The following C1orf226 variants were observed in gnomAD, a reference collection of about 807,000 sequenced individuals.
C1orf226 encodes the protein uncharacterized protein C1orf226.
Under a neutral mutation model 10.5 loss-of-function variants are expected in C1orf226, and 4 were observed. That is an observed-to-expected ratio of 0.38 (90% CI 0.19 to 0.87). C1orf226 has a LOEUF of 0.87. C1orf226 is among the 40% of genes least tolerant of loss of function. The pLI, the probability that C1orf226 is intolerant of heterozygous loss-of-function variation, is 0.41. For synonymous variants in C1orf226, 125 were observed against 139.3 expected (o/e 0.90, Z 0.72); for missense variants, 313 against 336.2 (o/e 0.93, Z 0.54).
At chr1:162,382,313 C>T (rs1647943912) in intron 1 of C1orf226, 95 bp downstream of exon 1, 3 of 1,441,360 alleles carry the variant, frequency 2.1e-6, no homozygotes, top group Admixed American at 5.4e-5. Context: ...GAGAACAGCC[C>T]CAAGGGAGGG....
At position 162,385,455 on chromosome 1, in the gene C1orf226, C is replaced by G. The variant is rs184729564; in HGVS notation, c.*1772C>G. ...CCTTGCCTTCCATTGTCTTCCTTCT[C>G]CCAGAAAGCCAGGTTTCACCACGTG... On this transcript the variant is annotated 3_prime_UTR_variant, in exon 2 of 2. Coordinates refer to ENST00000458626, the MANE Select transcript of C1orf226 (RefSeq NM_001085375.2). 155 of 152,504 alleles carry G rather than the reference C, an allele frequency of 1.0e-3. No homozygotes were observed. Among genetic ancestry groups the G allele is most frequent in the Non-Finnish European group, 1.9e-3 (129 of 68,152 alleles). The allele number at this position is 152,504 out of a possible 1,614,324, so 9.4% of individuals were successfully genotyped here. A position where few individuals can be genotyped will look rare whatever the true frequency, so the allele number is the denominator to read the frequency against.
chr1:162,382,364 C>T, intron 1 of C1orf226, 146 bp downstream of exon 1: 1 of 1,036,878 alleles, frequency 9.6e-7, no homozygotes, highest in Non-Finnish European at 1.3e-6. Flanking sequence ...AGGATCAGGC[C>T]ACGTTCTCGG....
At chr1:162,382,372 C>A (rs749708768) in intron 1 of C1orf226, among the ~76,000 whole-genome samples, 154 bp downstream of exon 1, 1 of 119,520 alleles carries the variant, frequency 8.4e-6, no homozygotes, top group Non-Finnish European at 1.9e-5. Context: ...GCCACGTTCT[C>A]GGGAGCTGGC....
chr1:162,382,321 G>A (rs164189), intron 1 of C1orf226, 103 bp downstream of exon 1: 678,647 of 1,397,972 alleles, frequency 0.49, 167,136 homozygotes, highest in Middle Eastern at 0.53. Context: ...CCCCAAGGGA[G>A]GGGTGTGAGA....
chr1:162,381,429 C>A (rs1647903125), upstream of C1orf226, among the ~76,000 whole-genome samples: 1 of 152,180 alleles, frequency 6.6e-6, no homozygotes, highest in Non-Finnish European at 1.5e-5. Flanking sequence ...ATACTCATGG[C>A]CTTCAGTGGG....
upstream of C1orf226, among the ~76,000 whole-genome samples, chr1:162,381,167 G>A (rs528712403): frequency 5.3e-5 from 8 of 152,296 alleles, no homozygotes; most frequent in South Asian, 1.4e-3. Flanking sequence ...ACTGCATTAC[G>A]CGGAGTCCTG....
chr1:162,384,001 GA>G lies in C1orf226; in HGVS notation c.*320del. The G allele has an allele frequency of 2.1e-5, 7 of 336,262 alleles. No individual in the cohort carries two copies. Among genetic ancestry groups the G allele is most frequent in the South Asian group, 1.3e-4 (2 of 15,184 alleles). The allele number at this position is 336,262 out of a possible 1,614,324, so 20.8% of individuals were successfully genotyped here. A position where few individuals can be genotyped will look rare whatever the true frequency, so the allele number is the denominator to read the frequency against. ...CTTGAGCTTGTCCTGTCTTCTCAGTGAATTGCAGGGCCACCAGCTCAGGACA... is the reference window on the plus strand; with the variant it reads ...CTTGAGCTTGTCCTGTCTTCTCAGTGATTGCAGGGCCACCAGCTCAGGACA... On this transcript the variant is annotated 3_prime_UTR_variant, in exon 2 of 2. Coordinates refer to ENST00000458626, the MANE Select transcript of C1orf226 (RefSeq NM_001085375.2).
At chr1:162,379,487 C>A (rs1470543445), upstream of C1orf226, among the ~76,000 whole-genome samples, 2 of 152,160 alleles carry the variant, frequency 1.3e-5, no homozygotes, top group Non-Finnish European at 2.9e-5. Flanking sequence ...TTCAATTAAA[C>A]AAACTTATTA....
chr1:162,382,037 GGCA>G lies in C1orf226; in HGVS notation c.142_144del (p.Ser48del). On this transcript the variant is annotated inframe_deletion, in exon 1 of 2. Coordinates refer to ENST00000458626, the MANE Select transcript of C1orf226 (RefSeq NM_001085375.2). ...GCCTGGGGGGCCAGGACTCTGGGTG[GGCA>G]GCAGCCAGCACCTCAAGAACCTGGG... 1.2e-6 allele frequency: 2 copies of G among 1,611,084 alleles called. No homozygotes were observed. Among genetic ancestry groups the G allele is most frequent in the East Asian group, 2.2e-5 (1 of 44,804 alleles).
intron 1 of C1orf226, 32 bp from the exon 2 acceptor site, chr1:162,383,150 G>C (rs1647974672): frequency 2.0e-6 from 3 of 1,527,166 alleles, no homozygotes; most frequent in Non-Finnish European, 2.6e-6. Context: ...CTGTCCTTAA[G>C]GCATGTGTGT....
In C1orf226 at chr1:162,381,861, C is replaced by G. The variant is rs780299131; in HGVS notation, c.-41C>G. On this transcript the variant is annotated 5_prime_UTR_variant, in exon 1 of 2. The change creates a new upstream start codon in the 5' untranslated region. Coordinates refer to ENST00000458626, the MANE Select transcript of C1orf226 (RefSeq NM_001085375.2). The stretch of plus-strand genomic sequence containing the variant: ...ACAGGTACCGCTCCCCTTTCCTCAT[C>G]ATGCCTCTCTGTCGCCTCTTTGTTC... 18 of 1,606,690 alleles carry G rather than the reference C, an allele frequency of 1.1e-5. No individual in the cohort carries two copies. In the African/African-American group the frequency reaches 2.0e-4, roughly 18 times the overall value.
At position 162,386,719 on chromosome 1, in the gene C1orf226, A is replaced by C. The variant is rs2101850842; in HGVS notation, c.*3036A>C. The C allele has an allele frequency of 6.6e-6, 1 of 152,360 alleles. No individual in the cohort carries two copies. 9.4% of individuals were successfully genotyped at this position (152,360 alleles called of 1,614,324 possible). ...TTCGGAGGAGGAGGAGGAAGATTAC[A>C]GATCTATTCTGAGTATTTTTTAGAG... On this transcript the variant is annotated 3_prime_UTR_variant, in exon 2 of 2. Transcript: ENST00000458626.
chr1:162,382,102 G>T lies in C1orf226; in HGVS notation c.201G>T (p.Arg67Ser). The change falls in exon 1 of 2, where the codon AGG becomes AGT. Residue 67 changes from arginine to serine, a missense_variant. Transcript: ENST00000458626. ...GGGCCAAAGTGAATGACTTCCTGAG[G>T]AGAAAGGAGCCCTCCAGCCTGGGCA... ...AMGAKVNDFL[R>S]RKEPSSLGSV... 2 of 1,593,134 alleles carry T rather than the reference G, an allele frequency of 1.3e-6. No homozygotes were observed. Among genetic ancestry groups the T allele is most frequent in the Non-Finnish European group, 1.7e-6 (2 of 1,169,804 alleles).
At chr1:162,380,949 C>G (rs1274069273), upstream of C1orf226, among the ~76,000 whole-genome samples, 1 of 152,198 alleles carries the variant, frequency 6.6e-6, no homozygotes, top group Non-Finnish European at 1.5e-5. Flanking sequence ...TCTTTACAAC[C>G]TAATGGGTTT....
At position 162,381,863 on chromosome 1, in the gene C1orf226, T is replaced by A. The variant is rs1288376242; in HGVS notation, c.-39T>A. 1.9e-6 allele frequency: 3 copies of A among 1,607,472 alleles called. No individual in the cohort carries two copies. The highest frequency in any genetic ancestry group is 2.5e-6 in the Non-Finnish European group (3 of 1,178,570). Reference sequence around the variant, plus strand: ...AGGTACCGCTCCCCTTTCCTCATCATGCCTCTCTGTCGCCTCTTTGTTCAT... The same window carrying A: ...AGGTACCGCTCCCCTTTCCTCATCAAGCCTCTCTGTCGCCTCTTTGTTCAT... On this transcript the variant is annotated 5_prime_UTR_variant, in exon 1 of 2. The change abolishes an upstream ATG in the 5' untranslated region. Coordinates refer to ENST00000458626, the MANE Select transcript of C1orf226 (RefSeq NM_001085375.2).
rs201079464 is a variant in C1orf226 at position 162,381,985 on chromosome 1, C to G, written c.84C>G (p.Pro28=). 4.3e-6 allele frequency: 7 copies of G among 1,612,828 alleles called. No homozygotes were observed. The highest frequency in any genetic ancestry group is 3.4e-6 in the Non-Finnish European group (4 of 1,179,832). ...SFPHLSKPVA[P]GSAPLGSGEP... is the part of the protein sequence containing the mutation. Reference sequence around the variant, plus strand: ...CCCACTTGTCCAAGCCCGTGGCCCCCGGCTCTGCCCCTCTGGGCTCTGGTG... The same window carrying G: ...CCCACTTGTCCAAGCCCGTGGCCCCGGGCTCTGCCCCTCTGGGCTCTGGTG... Residue 28 remains proline, a synonymous_variant, in exon 1 of 2, where the codon CCC becomes CCG. Coordinates refer to ENST00000458626, the MANE Select transcript of C1orf226 (RefSeq NM_001085375.2).
Position 162,385,943 on chromosome 1 carries a change from C to T in C1orf226, c.*2260C>T, listed in dbSNP as rs1005372307. On this transcript the variant is annotated 3_prime_UTR_variant, in exon 2 of 2. Coordinates refer to ENST00000458626, the MANE Select transcript of C1orf226 (RefSeq NM_001085375.2). ...TCTATAGCCCAGCTGCTGCTGGAGTCCAGGACCTTAGACCCAGGATGAGCA... is the reference window on the plus strand; with the variant it reads ...TCTATAGCCCAGCTGCTGCTGGAGTTCAGGACCTTAGACCCAGGATGAGCA... 6.6e-6 allele frequency: 1 copy of T among 152,462 alleles called. No homozygotes were observed. Among genetic ancestry groups the T allele is most frequent in the African/African-American group, 2.4e-5 (1 of 41,442 alleles). 9.4% of individuals were successfully genotyped at this position (152,462 alleles called of 1,614,324 possible). A position where few individuals can be genotyped will look rare whatever the true frequency, so the allele number is the denominator to read the frequency against.
At position 162,383,276 on chromosome 1, in the gene C1orf226, C is replaced by T; in HGVS notation, c.412C>T (p.Leu138=). The T allele has an allele frequency of 1.2e-6, 2 of 1,613,910 alleles. No individual in the cohort carries two copies. The highest frequency in any genetic ancestry group is 1.7e-6 in the Non-Finnish European group (2 of 1,179,822). ...GGCCCTGAAGACCACCCAGGACATGCTGATTTCATCACAGCCTGTCCTCAG... is the reference window on the plus strand; with the variant it reads ...GGCCCTGAAGACCACCCAGGACATGTTGATTTCATCACAGCCTGTCCTCAG... The part of the protein sequence containing the change: ...PRALKTTQDM[L]ISSQPVLSSL... Residue 138 remains leucine (L), a synonymous_variant, in exon 2 of 2, where the codon CTG becomes TTG. Transcript: ENST00000458626.
Position 162,383,644 on chromosome 1 carries a change from CA to C in C1orf226, c.782del (p.Asn261MetfsTer20). 3 of 1,609,228 alleles carry C rather than the reference CA, an allele frequency of 1.9e-6. No individual in the cohort carries two copies. Among genetic ancestry groups the C allele is most frequent in the Non-Finnish European group, 2.5e-6 (3 of 1,178,078 alleles). On this transcript the variant is annotated frameshift_variant, in exon 2 of 2. Transcript: ENST00000458626. LOFTEE classifies it high-confidence loss of function. ...CTCAGGCACGGACCTCCAGCCTCGA[CA>C]ATGAGGGCCCTCACCCAGACCTGCT... ...PPQARTSSLD[N>X]EGPHPDLLSF...
Sources: gnomAD v4.1 joint callset for allele counts (sites outside exome capture counted in the v4.1 genomes callset) on GRCh38, gnomAD v4.1.1 for gene constraint, MANE v1.5 for transcripts, NCBI Gene and HGNC (gene_info 2026-07-23, HGNC 2026-07-21) for gene names.